TRHDE: variants seen among roughly 807,000 people sequenced by gnomAD.
TRHDE encodes thyrotropin-releasing hormone-degrading ectoenzyme.
TRHDE carries 72 observed loss-of-function variants against 125.7 expected under a neutral mutation model. That is an observed-to-expected ratio of 0.57 (90% CI 0.47 to 0.70). The LOEUF is 0.70. Among genes scored for constraint, TRHDE ranks in the 30% least tolerant of loss-of-function variants. The pLI is 0.00. For missense variants in TRHDE, 1,110 were observed against 1,327.1 expected (o/e 0.84, Z 2.54); for synonymous variants, 509 against 509.1 (o/e 1.00, Z 0.00).
chr12:72,170,978 A>G (rs1876860485), intron 2 of TRHDE, among the ~76,000 whole-genome samples: 1 of 152,204 alleles, frequency 6.6e-6, no homozygotes, highest in Non-Finnish European at 1.5e-5. Context: ...AGAATCCTCC[A>G]GATAATACTC....
intron 2 of TRHDE, among the ~76,000 whole-genome samples, chr12:72,196,793 C>T (rs1489459540): frequency 6.6e-6 from 1 of 152,076 alleles, no homozygotes; most frequent in African/African-American, 2.4e-5. Flanking sequence ...CTCTTGCTCT[C>T]TCTAGTTTCA....
intron 2 of TRHDE, among the ~76,000 whole-genome samples, chr12:72,112,973 T>A (rs1875355393): frequency 6.6e-6 from 1 of 152,154 alleles, no homozygotes; most frequent in South Asian, 2.1e-4. Flanking sequence ...GACCTGTACC[T>A]TCATTTCCAA....
At chr12:72,191,098 AAAGT>A (rs1877329343) in intron 2 of TRHDE, among the ~76,000 whole-genome samples, 1 of 152,248 alleles carries the variant, frequency 6.6e-6, no homozygotes, top group Non-Finnish European at 1.5e-5. Context: ...ATTTTGAAAA[AAAGT>A]AAGACAGTGG....
At chr12:72,330,559 T>C (rs1240351762) in intron 2 of TRHDE, among the ~76,000 whole-genome samples, 3 of 152,098 alleles carry the variant, frequency 2.0e-5, no homozygotes, top group Non-Finnish European at 4.4e-5. Flanking sequence ...CCCACTGGTG[T>C]ACGTAGGCAA....
intron 2 of TRHDE, among the ~76,000 whole-genome samples, chr12:72,115,580 G>A (rs965159580): frequency 2.0e-5 from 3 of 152,134 alleles, no homozygotes; most frequent in East Asian, 1.9e-4. Flanking sequence ...TGAGATTGCC[G>A]AATCATATGG....
intron 15 of TRHDE, among the ~76,000 whole-genome samples, chr12:72,643,194 A>G (rs1200138315): frequency 6.6e-6 from 1 of 152,198 alleles, no homozygotes; most frequent in African/African-American, 2.4e-5. Flanking sequence ...ATTTAAACCT[A>G]TGCAATTGTA....
intron 2 of TRHDE, among the ~76,000 whole-genome samples, chr12:72,139,621 GAAAATA>G (rs149025175): frequency 0.035 from 5,358 of 152,128 alleles, 162 homozygotes; most frequent in African/African-American, 0.085. Flanking sequence ...TGCTGAACAG[GAAAATA>G]AAAATAGAAT....
intron 2 of TRHDE, among the ~76,000 whole-genome samples, chr12:72,195,088 G>T (rs895905956): frequency 1.2e-4 from 19 of 152,052 alleles, no homozygotes; most frequent in African/African-American, 4.3e-4. Context: ...GAAATGCCAA[G>T]CAAACGGGGA....
At chr12:72,266,931 C>G (rs1477056503) in intron 2 of TRHDE, among the ~76,000 whole-genome samples, 1 of 152,060 alleles carries the variant, frequency 6.6e-6, no homozygotes, top group African/African-American at 2.4e-5. Context: ...CATAAGACAG[C>G]ATAAAATGCT....
chr12:72,607,443 T>A (rs1203744140), intron 12 of TRHDE, among the ~76,000 whole-genome samples: 6 of 152,182 alleles, frequency 3.9e-5, no homozygotes, highest in African/African-American at 7.2e-5. Context: ...TGATTTTTTT[T>A]ATGTGAAAAT....
intron 2 of TRHDE, among the ~76,000 whole-genome samples, chr12:72,260,548 A>G (rs745782394): frequency 5.3e-5 from 8 of 152,136 alleles, no homozygotes; most frequent in Non-Finnish European, 1.2e-4. Context: ...GTCTTGATTT[A>G]TAAATGCATT....
At chr12:72,604,377 G>A (rs1813726906) in intron 12 of TRHDE, among the ~76,000 whole-genome samples, 1 of 152,036 alleles carries the variant, frequency 6.6e-6, no homozygotes, top group African/African-American at 2.4e-5. Context: ...ATCTAAAACT[G>A]TCAATTTTGA....
intron 1 of TRHDE, among the ~76,000 whole-genome samples, chr12:72,282,484 A>G (rs771619559): frequency 2.0e-5 from 3 of 152,274 alleles, no homozygotes; most frequent in Non-Finnish European, 4.4e-5. Context: ...TGAAGACAAA[A>G]TTATATTTTT....
chr12:72,642,048 G>A (rs1592592168), intron 15 of TRHDE, among the ~76,000 whole-genome samples: 1 of 152,150 alleles, frequency 6.6e-6, no homozygotes, highest in African/African-American at 2.4e-5. Context: ...ACGTGAGAAT[G>A]CAAGAAGTCA....
intron 2 of TRHDE, among the ~76,000 whole-genome samples, chr12:72,361,591 T>C (rs923196863): frequency 1.3e-5 from 2 of 151,320 alleles, no homozygotes; most frequent in Non-Finnish European, 1.5e-5. Flanking sequence ...CTTTAAGTTT[T>C]AGGGTACACG....
In TRHDE at chr12:72,647,104, T is replaced by C. The variant is rs568781425; in HGVS notation, c.2676-5218T>C. Among the ~76,000 whole-genome samples the C allele has an allele frequency of 3.9e-5, 6 of 152,118 alleles. No individual in the cohort carries two copies. In the East Asian group the frequency reaches 7.7e-4, roughly 20 times the overall value. ...ACAAGTCTTAACAAATTTAAGAAGA[T>C]TGAAATTATACCACATACTTTTCCT... On this transcript the variant is annotated intron_variant, in intron 15 of 18. Coordinates refer to ENST00000261180, the MANE Select transcript of TRHDE (RefSeq NM_013381.3).
chr12:72,366,521 G>A (rs892905060), intron 2 of TRHDE, among the ~76,000 whole-genome samples: 5 of 152,046 alleles, frequency 3.3e-5, no homozygotes, highest in Non-Finnish European at 7.4e-5. Flanking sequence ...TTTTATGGGA[G>A]TCAGAAACAT....
At chr12:72,364,775 A>G (rs1871274451) in intron 2 of TRHDE, among the ~76,000 whole-genome samples, 1 of 152,088 alleles carries the variant, frequency 6.6e-6, no homozygotes, top group Non-Finnish European at 1.5e-5. Flanking sequence ...GAATCAAAGG[A>G]CTGATGGGCC....
chr12:72,657,085 T>C, intron 18 of TRHDE, 77 bp downstream of exon 18: 1 of 909,774 alleles, frequency 1.1e-6, no homozygotes, highest in Non-Finnish European at 1.8e-6. Context: ...AGTCATTTCT[T>C]TCCAACAGAT....
Sources: allele counts gnomAD v4.1 joint callset (sites outside exome capture counted in the v4.1 genomes callset), GRCh38; gene constraint gnomAD v4.1.1; transcripts MANE v1.5; gene names NCBI Gene and HGNC (gene_info 2026-07-23, HGNC 2026-07-21).